PCDHGB1: variants seen among roughly 807,000 people sequenced by gnomAD.
PCDHGB1 encodes protocadherin gamma-B1.
PCDHGB1 carries 34 observed loss-of-function variants against 56.6 expected under a neutral mutation model. The observed-to-expected ratio is 0.60, with a 90% CI of 0.46 to 0.80. The LOEUF (loss-of-function observed/expected upper bound fraction) is 0.80, where lower values mean the gene tolerates loss of function less well. Ranked by LOEUF, PCDHGB1 falls within the 30% of genes least tolerant of loss-of-function variation. PCDHGB1 has a pLI of 0.00. For missense variants in PCDHGB1, 1,278 were observed against 1,204.6 expected (o/e 1.06, Z -0.90); for synonymous variants, 561 against 505.9 (o/e 1.11, Z -1.46).
At chr5:141,492,710 G>A (rs11953270) in intron 1 of PCDHGB1, among the ~76,000 whole-genome samples, 27,341 of 152,278 alleles carry the variant, frequency 0.18, 2,647 homozygotes, top group Admixed American at 0.28. Flanking sequence ...GAAGCCTCGA[G>A]CAGGCGGACA....
Position 141,351,079 on chromosome 5 carries a change from G to T in PCDHGB1, c.819G>T (p.Glu273Asp). The T allele has an allele frequency of 6.2e-7, 1 of 1,614,028 alleles. No homozygotes were observed. The highest frequency in any genetic ancestry group is 8.5e-7 in the Non-Finnish European group (1 of 1,179,884). ...ACCAGGATGAGGGCATTAATGCAGAGATCACCTATGCCTTCCTCAATTCCC... is the reference window on the plus strand; with the variant it reads ...ACCAGGATGAGGGCATTAATGCAGATATCACCTATGCCTTCCTCAATTCCC... ...ATDQDEGINA[E>D]ITYAFLNSPI... The change falls in exon 1 of 4, where the codon GAG becomes GAT. Residue 273 changes from glutamate to aspartate, a missense_variant. Glu to Asp is a conservative substitution (Grantham distance 45). Transcript: ENST00000523390.
intron 1 of PCDHGB1, chr5:141,475,801 A>G: frequency 3.2e-6 from 1 of 312,546 alleles, no homozygotes. Flanking sequence ...AGGAAGCCAA[A>G]GGAAAGTGAA....
At chr5:141,472,109 A>G (rs1353132107) in intron 1 of PCDHGB1, among the ~76,000 whole-genome samples, 2 of 152,234 alleles carry the variant, frequency 1.3e-5, no homozygotes, top group Non-Finnish European at 2.9e-5. Flanking sequence ...TTTTATACAT[A>G]AAGAAAATAA....
intron 1 of PCDHGB1, chr5:141,408,124 G>A: frequency 1.4e-6 from 2 of 1,478,862 alleles, no homozygotes; most frequent in Non-Finnish European, 1.8e-6. Context: ...CCTGTCCTGG[G>A]CCGAATGCTC....
In PCDHGB1 at chr5:141,350,889, C is replaced by G; in HGVS notation, c.629C>G (p.Thr210Ser). Residue 210 changes from threonine (T) to serine (S), a missense_variant, in exon 1 of 4, where the codon ACT becomes AGT. Transcript: ENST00000523390. ...EHQSSHRLILTAMDGGDPPLS... is the reference protein window; with the variant it reads ...EHQSSHRLILSAMDGGDPPLS... ...CAGAGCTCTCATCGCTTAATCCTGA[C>G]TGCCATGGATGGCGGGGACCCGCCT... The G allele has an allele frequency of 6.2e-7, 1 of 1,614,074 alleles. No individual in the cohort carries two copies. Among genetic ancestry groups the G allele is most frequent in the Non-Finnish European group, 8.5e-7 (1 of 1,179,910 alleles).
In PCDHGB1 at chr5:141,350,166, A is replaced by G; in HGVS notation, c.-95A>G. The G allele has an allele frequency of 9.3e-6, 11 of 1,181,016 alleles. No individual in the cohort carries two copies. The highest frequency in any genetic ancestry group is 2.7e-5 in the East Asian group (1 of 37,096). The allele number at this position is 1,181,016 out of a possible 1,614,324, so 73.2% of individuals were successfully genotyped here. On this transcript the variant is annotated 5_prime_UTR_variant, in exon 1 of 4. Coordinates refer to ENST00000523390, the MANE Select transcript of PCDHGB1 (RefSeq NM_018922.3). ...CTGTTCACCCTCGAGCGCCTAACTA[A>G]TAAGTCCTAAGCTCAAATCACAGAA...
intron 1 of PCDHGB1, chr5:141,356,903 CTACTGATGGCTCCACTGGTGTGGAG>C: frequency 6.2e-7 from 1 of 1,614,244 alleles, no homozygotes; most frequent in Non-Finnish European, 8.5e-7. Context: ...CCCACCTTCC[CTACTGATGGCTCCACTGGTGTGGAG>C]CTGGCACCCC....
chr5:141,438,601 T>C (rs2098005462), intron 1 of PCDHGB1, among the ~76,000 whole-genome samples: 6 of 26,284 alleles, frequency 2.3e-4, no homozygotes, highest in African/African-American at 1.3e-3. Flanking sequence ...CATATATATA[T>C]ATATATATAT....
Position 141,487,650 on chromosome 5 carries a change from G to T in PCDHGB1, c.2410-7157G>T, listed in dbSNP as rs772715932. The T allele has an allele frequency of 6.8e-6, 11 of 1,613,876 alleles. No individual in the cohort carries two copies. Among genetic ancestry groups the T allele is most frequent in the Admixed American group, 1.7e-5 (1 of 59,978 alleles). On this transcript the variant is annotated intron_variant, in intron 1 of 3. Coordinates refer to ENST00000523390, the MANE Select transcript of PCDHGB1 (RefSeq NM_018922.3). This position sits in a 1 kb window ranked among gnomAD's most constrained non-coding sequence, Gnocchi z 5.0. ...TTGCAGGCTCAACAAATGCTTGAGG[G>T]TTATTCTGATCCAGGCATATGGCTA...
At chr5:141,427,100 T>G (rs1270371842) in intron 1 of PCDHGB1, 1 of 458,010 alleles carries the variant, frequency 2.2e-6, no homozygotes, top group Non-Finnish European at 4.4e-6. Flanking sequence ...AGGGTGTCAA[T>G]GCGGAGATCA....
chr5:141,409,205 A>G (rs766592481), intron 1 of PCDHGB1: 3 of 1,614,068 alleles, frequency 1.9e-6, no homozygotes, highest in Non-Finnish European at 1.7e-6. Context: ...TAAAGTAATC[A>G]TAGAAATCCT....
intron 1 of PCDHGB1, chr5:141,478,511 C>CA: frequency 3.1e-6 from 5 of 1,611,778 alleles, no homozygotes; most frequent in Non-Finnish European, 4.2e-6. Context: ...GTTCTATAGG[C>CA]AGGTGTTGGG....
chr5:141,397,359 A>T (rs372780097), intron 1 of PCDHGB1, among the ~76,000 whole-genome samples: 10 of 152,226 alleles, frequency 6.6e-5, no homozygotes, highest in African/African-American at 2.4e-4. Flanking sequence ...AGTCAGGAAG[A>T]GGAGATGTTT....
chr5:141,418,914 T>C (rs1200050684), intron 1 of PCDHGB1: 4 of 1,613,964 alleles, frequency 2.5e-6, no homozygotes, highest in East Asian at 2.2e-5. Context: ...ATCACGTCAC[T>C]CTCTGATCAG....
At chr5:141,473,402 T>C (rs1019157713) in intron 1 of PCDHGB1, among the ~76,000 whole-genome samples, 7 of 152,224 alleles carry the variant, frequency 4.6e-5, no homozygotes, top group Non-Finnish European at 7.3e-5. Flanking sequence ...CTTCTTTTTT[T>C]CTTCTTCAGT....
chr5:141,390,526 T>C, intron 1 of PCDHGB1: 1 of 548,274 alleles, frequency 1.8e-6, no homozygotes, highest in East Asian at 3.2e-5. Context: ...AATGAGGGTG[T>C]GGTTTTAACC....
chr5:141,390,556 CAGTTGTTGG>C, intron 1 of PCDHGB1: 2 of 454,162 alleles, frequency 4.4e-6, no homozygotes, highest in Admixed American at 3.9e-5. Flanking sequence ...AAGTGTTAGA[CAGTTGTTGG>C]CTCTCTCCTA....
intron 1 of PCDHGB1, chr5:141,416,335 C>A (rs573998059): frequency 6.6e-6 from 1 of 152,256 alleles, no homozygotes; most frequent in Non-Finnish European, 1.5e-5. Flanking sequence ...ACTTTCATTG[C>A]TCAATAGGGA....
intron 1 of PCDHGB1, chr5:141,433,272 C>G (rs1161817377): frequency 8.0e-7 from 1 of 1,252,412 alleles, no homozygotes; most frequent in Non-Finnish European, 1.1e-6. Flanking sequence ...TAGCTCACTG[C>G]AGCCTCAAAC....
Sources: gnomAD v4.1 joint callset for allele counts (sites outside exome capture counted in the v4.1 genomes callset) on GRCh38, gnomAD v4.1.1 for gene constraint, Gnocchi (gnomAD v3.1) non-coding constraint, MANE v1.5 for transcripts, NCBI Gene and HGNC (gene_info 2026-07-23, HGNC 2026-07-21) for gene names.